Variants in TSHR observed in about 807,000 individuals in gnomAD.
TSHR encodes the protein thyroid stimulating hormone receptor, also known as thyrotropin receptor.
A neutral mutation model predicts 64.1 loss-of-function variants in TSHR; 51 were observed. The ratio of observed to expected loss-of-function variants is 0.80; its 90% CI spans 0.64 to 1.01. The LOEUF (loss-of-function observed/expected upper bound fraction) is 1.01. Ranked by LOEUF, TSHR falls within the 50% of genes least tolerant of loss-of-function variation. The pLI is 0.00. For missense variants in TSHR, 877 were observed against 942.8 expected (o/e 0.93, Z 0.91); for synonymous variants, 361 against 361.9 (o/e 1.00, Z 0.03).
intron 1 of TSHR, among the ~76,000 whole-genome samples, chr14:80,962,277 G>A (rs1887076096): frequency 6.6e-6 from 1 of 152,226 alleles, no homozygotes; most frequent in Non-Finnish European, 1.5e-5. Flanking sequence ...ATTGATGAGT[G>A]TATATGAATT....
intron 1 of TSHR, among the ~76,000 whole-genome samples, chr14:80,976,650 G>A (rs1305699513): frequency 6.6e-6 from 1 of 152,166 alleles, no homozygotes; most frequent in Non-Finnish European, 1.5e-5. Context: ...TTGTGTAACA[G>A]CAGCCCTGCT....
chr14:81,000,536 C>G (rs1210791418), intron 1 of TSHR, among the ~76,000 whole-genome samples: 1 of 152,100 alleles, frequency 6.6e-6, no homozygotes, highest in East Asian at 1.9e-4. Flanking sequence ...GTGATAGATG[C>G]TACAGAGCTT....
At chr14:81,104,575 T>C in intron 7 of TSHR, 3 of 985,428 alleles carry the variant, frequency 3.0e-6, no homozygotes, top group Non-Finnish European at 3.6e-6. Context: ...CTTTCATTCC[T>C]TCCTCCAGCA....
chr14:81,115,548 A>G (rs200758162), intron 8 of TSHR, among the ~76,000 whole-genome samples: 33,973 of 147,382 alleles, frequency 0.23, 4,066 homozygotes, highest in East Asian at 0.3. Context: ...CCAAATCTAC[A>G]TCTGATTGGT....
chr14:80,996,165 G>A (rs974234807), intron 1 of TSHR, among the ~76,000 whole-genome samples: 2 of 152,064 alleles, frequency 1.3e-5, no homozygotes, highest in Non-Finnish European at 2.9e-5. Flanking sequence ...AGAGTGTTTT[G>A]TTGAAGTGAT....
chr14:81,017,864 C>CT (rs1883505350), intron 1 of TSHR, among the ~76,000 whole-genome samples: 1 of 145,546 alleles, frequency 6.9e-6, no homozygotes, highest in Non-Finnish European at 1.5e-5. Flanking sequence ...GAGTGTCACT[C>CT]TGTCGCCCAG....
chr14:81,002,102 T>A (rs58417382), intron 1 of TSHR, among the ~76,000 whole-genome samples: 1 of 151,982 alleles, frequency 6.6e-6, no homozygotes, highest in Non-Finnish European at 1.5e-5. Context: ...ATATTTACTA[T>A]AAAAATATCA....
chr14:81,077,047 C>G (rs1333476675), intron 3 of TSHR, among the ~76,000 whole-genome samples: 1 of 152,050 alleles, frequency 6.6e-6, no homozygotes, highest in Non-Finnish European at 1.5e-5. Flanking sequence ...CTCTCTTTGC[C>G]TAGTTAACTC....
intron 1 of TSHR, chr14:81,032,718 C>T (rs1312063674): frequency 2.6e-5 from 11 of 429,112 alleles, no homozygotes; most frequent in African/African-American, 1.5e-4. Flanking sequence ...CATGCCTGCC[C>T]ATCACCAGGT....
intron 1 of TSHR, chr14:80,993,461 A>G (rs1165546041): frequency 6.6e-6 from 1 of 152,190 alleles, no homozygotes; most frequent in Non-Finnish European, 1.5e-5. Flanking sequence ...TGAACCAGAG[A>G]TCTAGATTAG....
At chr14:81,071,104 C>A (rs530370426) in intron 3 of TSHR, among the ~76,000 whole-genome samples, 50 of 152,198 alleles carry the variant, frequency 3.3e-4, no homozygotes, top group African/African-American at 1.1e-3. Flanking sequence ...CTGTATTAAG[C>A]AGTCTTAATA....
intron 2 of TSHR, among the ~76,000 whole-genome samples, chr14:81,067,483 T>TTATTTATATATATATA (rs1555376191): frequency 7.4e-6 from 1 of 134,976 alleles, no homozygotes; most frequent in African/African-American, 2.9e-5. Context: ...GTTTATAGTT[T>TTATTTATATATATATA]TATATATATA....
intron 3 of TSHR, chr14:81,068,600 A>C (rs890479673): frequency 2.1e-5 from 9 of 428,098 alleles, no homozygotes; most frequent in Non-Finnish European, 3.1e-5. Flanking sequence ...TATTTTATTG[A>C]TGTGAATGTC....
At chr14:81,059,811 T>C (rs1252432253) in intron 1 of TSHR, among the ~76,000 whole-genome samples, 1 of 152,164 alleles carries the variant, frequency 6.6e-6, no homozygotes, top group Non-Finnish European at 1.5e-5. Context: ...AACATTAGCA[T>C]TTCAAATATT....
chr14:81,061,238 C>T (rs1387604865), intron 1 of TSHR, among the ~76,000 whole-genome samples: 1 of 152,118 alleles, frequency 6.6e-6, no homozygotes, highest in East Asian at 1.9e-4. Context: ...TAAAGATGTA[C>T]TTAATGTATA....
At chr14:81,133,367 CAGAG>C (rs769317195) in intron 8 of TSHR, among the ~76,000 whole-genome samples, 1 of 152,168 alleles carries the variant, frequency 6.6e-6, no homozygotes, top group Non-Finnish European at 1.5e-5. Context: ...TCACAGTACT[CAGAG>C]GGAGCGTAGT....
chr14:81,097,551 A>G (rs1409664543), intron 7 of TSHR, among the ~76,000 whole-genome samples: 1 of 152,188 alleles, frequency 6.6e-6, no homozygotes, highest in Non-Finnish European at 1.5e-5. Flanking sequence ...CTCCCAGGTG[A>G]TGCCGACACT....
intron 3 of TSHR, among the ~76,000 whole-genome samples, chr14:81,085,190 G>C (rs1888199920): frequency 6.6e-6 from 1 of 152,008 alleles, no homozygotes; most frequent in Non-Finnish European, 1.5e-5. Flanking sequence ...TTGAACTCCT[G>C]ACCTCAACTG....
Position 81,096,627 on chromosome 14 carries a change from T to C in TSHR, c.546-12T>C. On this transcript the variant is annotated splice_polypyrimidine_tract_variant and intron_variant, in intron 6 of 9. Coordinates refer to ENST00000298171, the MANE Select transcript of TSHR (RefSeq NM_000369.5). ...ACCAGTCACTGATTTCTCTTCTCTCTGTTGGTTGTAGGAAGCTGTACAACA... is the reference window on the plus strand; with the variant it reads ...ACCAGTCACTGATTTCTCTTCTCTCCGTTGGTTGTAGGAAGCTGTACAACA... 6.2e-7 allele frequency: 1 copy of C among 1,613,160 alleles called. No individual in the cohort carries two copies. The highest frequency in any genetic ancestry group is 1.3e-5 in the African/African-American group (1 of 75,026).
Sources: allele counts gnomAD v4.1 joint callset (sites outside exome capture counted in the v4.1 genomes callset), GRCh38; gene constraint gnomAD v4.1.1; transcripts MANE v1.5; gene names NCBI Gene and HGNC (gene_info 2026-07-23, HGNC 2026-07-21).